NAALADL2: variants seen among roughly 807,000 people sequenced by gnomAD.
NAALADL2 encodes N-acetylated alpha-linked acidic dipeptidase like 2.
A neutral mutation model predicts 87.2 loss-of-function variants in NAALADL2; 76 were observed. The observed-to-expected ratio is 0.87, with a 90% CI of 0.72 to 1.05. The LOEUF (loss-of-function observed/expected upper bound fraction) is 1.05. Ranked by LOEUF, NAALADL2 falls within the 50% of genes least tolerant of loss-of-function variation. NAALADL2 has a pLI of 0.00. For synonymous variants in NAALADL2, 354 were observed against 331.0 expected, an observed-to-expected ratio of 1.07 and a Z score of -0.75; for missense variants, 1,089 against 945.8, an observed-to-expected ratio of 1.15 and a Z score of -1.99.
chr3:175,572,508 T>C (rs1304019278), intron 9 of NAALADL2, among the ~76,000 whole-genome samples: 1 of 151,454 alleles, frequency 6.6e-6, no homozygotes, highest in Non-Finnish European at 1.5e-5. Context: ...CAGAGCAAAC[T>C]ATAGTAGGAA....
chr3:175,568,780 A>C (rs1297329273), intron 9 of NAALADL2, among the ~76,000 whole-genome samples: 1 of 152,234 alleles, frequency 6.6e-6, no homozygotes, highest in Non-Finnish European at 1.5e-5. Flanking sequence ...GTAACATACA[A>C]ATTTGCATTT....
chr3:175,251,045 A>G (rs928596630), intron 3 of NAALADL2, among the ~76,000 whole-genome samples: 2 of 152,182 alleles, frequency 1.3e-5, no homozygotes, highest in Admixed American at 6.5e-5. Context: ...CGAGATTTCT[A>G]TAAAAACGAG....
At chr3:174,913,472 A>G (rs1453168673) in intron 1 of NAALADL2, among the ~76,000 whole-genome samples, 3 of 152,130 alleles carry the variant, frequency 2.0e-5, no homozygotes, top group African/African-American at 7.2e-5. Flanking sequence ...GTGTCTGATT[A>G]ATGAGTAACA....
At chr3:175,577,975 AG>A (rs754533346) in intron 10 of NAALADL2, among the ~76,000 whole-genome samples, 18 of 152,302 alleles carry the variant, frequency 1.2e-4, no homozygotes, top group Admixed American at 3.9e-4. Context: ...AGGAAATTAG[AG>A]CTTTTTTTAT....
At chr3:175,775,338 AT>A (rs749364511) in intron 13 of NAALADL2, among the ~76,000 whole-genome samples, 6 of 152,050 alleles carry the variant, frequency 3.9e-5, no homozygotes, top group Non-Finnish European at 7.4e-5. Flanking sequence ...GAAAGGGAAT[AT>A]TTTCTTTATC....
At chr3:175,561,211 A>G (rs199611787) in intron 9 of NAALADL2, among the ~76,000 whole-genome samples, 2 of 152,154 alleles carry the variant, frequency 1.3e-5, no homozygotes, top group East Asian at 3.9e-4. Flanking sequence ...AAAATCCCTG[A>G]TATAAAATTG....
At chr3:175,180,751 A>T in intron 2 of NAALADL2, among the ~76,000 whole-genome samples, 1 of 150,964 alleles carries the variant, frequency 6.6e-6, no homozygotes, top group African/African-American at 2.4e-5. Flanking sequence ...AATTATCAAT[A>T]TTATTATTAT....
At position 175,737,389 on chromosome 3, in the gene NAALADL2, C is replaced by T; in HGVS notation, c.1980C>T (p.Asn660=). The change falls in exon 12 of 14, where the codon AAC becomes AAT. Residue 660 remains asparagine (N), a synonymous_variant. Coordinates refer to ENST00000454872, the MANE Select transcript of NAALADL2 (RefSeq NM_207015.3). ...NALDIALEVQ[N]NLKGDQPNTH... ...TTGATATAGCTTTAGAAGTTCAAAA[C>T]AACCTTAAAGGTAATTTTCCTTTGA... The T allele has an allele frequency of 6.3e-7, 1 of 1,594,484 alleles. No homozygotes were observed. Among genetic ancestry groups the T allele is most frequent in the Non-Finnish European group, 8.6e-7 (1 of 1,163,448 alleles).
At position 174,925,778 on chromosome 3, in the gene NAALADL2, G is replaced by A. The variant is rs573284047; in HGVS notation, c.43+66328G>A. 7.2e-5 allele frequency among the ~76,000 whole-genome samples: 11 copies of A among 152,242 alleles called. No individual in the cohort carries two copies. In the South Asian group the frequency reaches 8.3e-4, roughly 11 times the overall value. On this transcript the variant is annotated intron_variant, in intron 1 of 13. Transcript: ENST00000454872. ...GCTGTGGTTTGTAGTTCTCCTTGAAGAGGTCCTTCACATCTCTTGTAAGTT... is the reference window on the plus strand; with the variant it reads ...GCTGTGGTTTGTAGTTCTCCTTGAAAAGGTCCTTCACATCTCTTGTAAGTT...
chr3:175,172,952 C>T (rs1026941842), intron 2 of NAALADL2, among the ~76,000 whole-genome samples: 7 of 152,116 alleles, frequency 4.6e-5, no homozygotes, highest in South Asian at 4.1e-4. Context: ...TACAGCTTTT[C>T]GGTACTCTGT....
chr3:175,220,505 T>C (rs1346943922), intron 2 of NAALADL2, among the ~76,000 whole-genome samples: 1 of 152,102 alleles, frequency 6.6e-6, no homozygotes, highest in Non-Finnish European at 1.5e-5. Context: ...TGTCAAAATA[T>C]ATTCTTATCT....
At chr3:175,372,109 A>C (rs2148953436) in intron 5 of NAALADL2, among the ~76,000 whole-genome samples, 1 of 152,252 alleles carries the variant, frequency 6.6e-6, no homozygotes, top group East Asian at 1.9e-4. Flanking sequence ...TTTTTTTTCC[A>C]CTGCTTCCTA....
chr3:175,646,640 A>G (rs1235447919), intron 11 of NAALADL2, among the ~76,000 whole-genome samples: 5 of 152,092 alleles, frequency 3.3e-5, no homozygotes, highest in Non-Finnish European at 7.4e-5. Flanking sequence ...AGAGTTAAAG[A>G]TATGGTTACA....
At chr3:174,923,983 A>G (rs1735608897) in intron 1 of NAALADL2, among the ~76,000 whole-genome samples, 1 of 152,202 alleles carries the variant, frequency 6.6e-6, no homozygotes. Flanking sequence ...GAATTGAGGC[A>G]TAGGACTGAC....
intron 1 of NAALADL2, among the ~76,000 whole-genome samples, chr3:174,519,582 C>T (rs1050313974): frequency 1.4e-4 from 21 of 152,042 alleles, no homozygotes; most frequent in Non-Finnish European, 2.4e-4. Context: ...CCACCCATTT[C>T]GGCCTCTCAA....
At chr3:174,608,929 A>C (rs1040678889) in intron 2 of NAALADL2, among the ~76,000 whole-genome samples, 14 of 151,998 alleles carry the variant, frequency 9.2e-5, no homozygotes, top group Admixed American at 6.6e-4. Context: ...ATACTGGCAA[A>C]CCAAATCCAG....
chr3:175,013,097 A>ACT (rs1580011118), intron 1 of NAALADL2, among the ~76,000 whole-genome samples: 1 of 59,710 alleles, frequency 1.7e-5, no homozygotes, highest in Non-Finnish European at 2.4e-5. Context: ...TTTATATATA[A>ACT]ATATACATAT....
rs544362369 is a variant in NAALADL2 at position 175,236,726 on chromosome 3, C to CCA, written c.819+2524_819+2525dup. 3.9e-5 allele frequency among the ~76,000 whole-genome samples: 6 copies of CCA among 152,166 alleles called. No individual in the cohort carries two copies. The South Asian group carries it at 1.2e-3, about 32-fold the overall frequency. On this transcript the variant is annotated intron_variant, in intron 3 of 13. Coordinates refer to ENST00000454872, the MANE Select transcript of NAALADL2 (RefSeq NM_207015.3). ...GAAGAATCTGTTGGGCCCTAGAGTT[C>CCA]CACTATTGGGCAAATCCACTTTCCT... is the stretch of plus-strand genomic sequence containing the variant.
At chr3:174,838,994 A>G (rs184345095) in intron 3 of NAALADL2, among the ~76,000 whole-genome samples, 41 of 152,246 alleles carry the variant, frequency 2.7e-4, no homozygotes, top group Admixed American at 1.2e-3. Flanking sequence ...AGAAAAAGCA[A>G]TCCCAAAGTT....
Sources: gnomAD v4.1 joint callset for allele counts (sites outside exome capture counted in the v4.1 genomes callset) on GRCh38, gnomAD v4.1.1 for gene constraint, MANE v1.5 for transcripts, NCBI Gene and HGNC (gene_info 2026-07-23, HGNC 2026-07-21) for gene names.